Variants in TP63 observed in about 807,000 individuals in gnomAD.
TP63 encodes tumor protein 63.
Under a neutral mutation model 82.8 loss-of-function variants are expected in TP63, and 17 were observed. The observed-to-expected ratio is 0.21, with a 90% CI of 0.14 to 0.31. TP63 has a LOEUF of 0.31. Ranked by LOEUF, TP63 falls within the 10% of genes least tolerant of loss-of-function variation. TP63 has a pLI of 1.00. For synonymous variants in TP63, 330 were observed against 321.7 expected, an observed-to-expected ratio of 1.03 and a Z score of -0.28; for missense variants, 648 against 895.3, an observed-to-expected ratio of 0.72 and a Z score of 3.52.
chr3:189,723,672 C>T (rs1719557818), intron 1 of TP63, among the ~76,000 whole-genome samples: 1 of 152,126 alleles, frequency 6.6e-6, no homozygotes, highest in Non-Finnish European at 1.5e-5. Context: ...AGATCTGTAC[C>T]ATAGACAAAA....
chr3:189,875,506 C>T (rs1160023950), intron 10 of TP63, among the ~76,000 whole-genome samples: 2 of 146,612 alleles, frequency 1.4e-5, no homozygotes, highest in Non-Finnish European at 3.0e-5. Context: ...GCAGAGGTTG[C>T]AGTGAGCCAA....
chr3:189,869,318 C>T lies in TP63; in HGVS notation c.1130-6C>T, dbSNP rs1428064786. On this transcript the variant is annotated splice_polypyrimidine_tract_variant and splice_region_variant and intron_variant, in intron 8 of 13. Coordinates refer to ENST00000264731, the MANE Select transcript of TP63 (RefSeq NM_003722.5). Reference sequence around the variant, plus strand: ...CAGGATGAAACTTGCATTTTTCCTCCACCAGCGTTTCGTCAGAACACACAT... The same window carrying T: ...CAGGATGAAACTTGCATTTTTCCTCTACCAGCGTTTCGTCAGAACACACAT... The T allele has an allele frequency of 8.1e-6, 13 of 1,613,784 alleles. No homozygotes were observed. The highest frequency in any genetic ancestry group is 1.1e-5 in the Non-Finnish European group (13 of 1,179,904).
chr3:189,895,379 C>G lies in TP63; in HGVS notation c.*877C>G, dbSNP rs963383720. 4.6e-6 allele frequency: 1 copy of G among 216,762 alleles called. No individual in the cohort carries two copies. The highest frequency in any genetic ancestry group is 2.3e-5 in the African/African-American group (1 of 44,404). The allele number at this position is 216,762 out of a possible 1,614,324, so 13.4% of individuals were successfully genotyped here. Reference sequence around the variant, plus strand: ...TCAGTAACCCCCTTAAATTTAATACCAGATACCTTATCTTACAATATTGAT... The same window carrying G: ...TCAGTAACCCCCTTAAATTTAATACGAGATACCTTATCTTACAATATTGAT... On this transcript the variant is annotated 3_prime_UTR_variant, in exon 14 of 14. Transcript: ENST00000264731.
At chr3:189,775,360 CTTA>C (rs1351329592) in intron 3 of TP63, among the ~76,000 whole-genome samples, 1 of 151,988 alleles carries the variant, frequency 6.6e-6, no homozygotes, top group Non-Finnish European at 1.5e-5. Flanking sequence ...TCAAGTCAGT[CTTA>C]TTTTCTTTTC....
intron 1 of TP63, among the ~76,000 whole-genome samples, chr3:189,696,344 C>T (rs577908726): frequency 1.3e-5 from 2 of 152,072 alleles, no homozygotes; most frequent in African/African-American, 2.4e-5. Context: ...AGCAGTATAC[C>T]TGTAAGATTA....
chr3:189,790,964 C>G (rs1725076878), intron 3 of TP63, among the ~76,000 whole-genome samples: 2 of 152,044 alleles, frequency 1.3e-5, no homozygotes, highest in Non-Finnish European at 2.9e-5. Flanking sequence ...GGGGAAATAT[C>G]GAGTTATCTA....
intron 1 of TP63, among the ~76,000 whole-genome samples, chr3:189,683,043 A>T (rs1368460508): frequency 1.3e-5 from 2 of 152,206 alleles, no homozygotes; most frequent in Non-Finnish European, 2.9e-5. Flanking sequence ...CATTATACAG[A>T]TGAGGAAACT....
chr3:189,685,476 A>T (rs1271096583), intron 1 of TP63, among the ~76,000 whole-genome samples: 2 of 152,262 alleles, frequency 1.3e-5, no homozygotes, highest in East Asian at 3.9e-4. Flanking sequence ...TCTAAGGCCC[A>T]GTCAAGATGA....
At chr3:189,742,819 T>C (rs1429289382) in intron 3 of TP63, among the ~76,000 whole-genome samples, 1 of 152,224 alleles carries the variant, frequency 6.6e-6, no homozygotes, top group Non-Finnish European at 1.5e-5. Flanking sequence ...TATATGTGTT[T>C]ATGTGTTTTT....
the TP63 span, among the ~76,000 whole-genome samples, chr3:189,608,013 G>T: frequency 9.9e-5 from 15 of 152,084 alleles, no homozygotes; most frequent in Non-Finnish European, 1.3e-4. Flanking sequence ...GGGTTCTTAA[G>T]TTGTTTAAGA....
intron 1 of TP63, among the ~76,000 whole-genome samples, chr3:189,676,733 C>T (rs945996834): frequency 6.6e-6 from 1 of 152,042 alleles, no homozygotes. Context: ...TGCCCACAGA[C>T]TGGTACCCAT....
At chr3:189,644,565 GT>G (rs1712231277) in intron 1 of TP63, among the ~76,000 whole-genome samples, 1 of 152,058 alleles carries the variant, frequency 6.6e-6, no homozygotes, top group African/African-American at 2.4e-5. Context: ...GGGGAACGTG[GT>G]TTTTGGTTAC....
At chr3:189,658,272 T>C (rs1310420201) in intron 1 of TP63, among the ~76,000 whole-genome samples, 1 of 152,050 alleles carries the variant, frequency 6.6e-6, no homozygotes, top group Non-Finnish European at 1.5e-5. Flanking sequence ...TATGAATAAA[T>C]TATTGGATAA....
upstream of TP63, among the ~76,000 whole-genome samples, chr3:189,630,162 C>G (rs1412420320): frequency 1.3e-5 from 2 of 152,150 alleles, no homozygotes; most frequent in Non-Finnish European, 2.9e-5. Flanking sequence ...TGTCAAATTT[C>G]TCTGAAAGGG....
rs147407928 is a variant in TP63 at position 189,649,626 on chromosome 3, G to C, written c.62+18049G>C. Among the ~76,000 whole-genome samples, 11 of 146,976 alleles carry C rather than the reference G, an allele frequency of 7.5e-5. 1 individual carries two copies. In the East Asian group the frequency reaches 2.6e-3, roughly 35 times the overall value. On this transcript the variant is annotated intron_variant, in intron 1 of 13. Coordinates refer to ENST00000264731, the MANE Select transcript of TP63 (RefSeq NM_003722.5). ...TGCACATGTACCCCCAAACTTAAAA[G>C]TTAAAAAGAAAGGAAAACAGTGCTA...
In TP63 at chr3:189,867,808, C is replaced by T. The variant is rs374724583; in HGVS notation, c.883-25C>T. 3.6e-5 allele frequency: 57 copies of T among 1,599,554 alleles called. No individual in the cohort carries two copies. In the Admixed American group the frequency reaches 4.8e-4, roughly 14 times the overall value. On this transcript the variant is annotated intron_variant, in intron 6 of 13. Coordinates refer to ENST00000264731, the MANE Select transcript of TP63 (RefSeq NM_003722.5). The stretch of plus-strand genomic sequence containing the variant: ...ACGTCAGTTTAAACCCTTGTTAACA[C>T]AGATTATTTACCCCTTGTTTTCAGG...
At chr3:189,733,091 G>A (rs1397022437) in intron 1 of TP63, among the ~76,000 whole-genome samples, 1 of 152,110 alleles carries the variant, frequency 6.6e-6, no homozygotes, top group Admixed American at 6.5e-5. Flanking sequence ...AGTTTTCACA[G>A]CTGATTATGG....
chr3:189,771,729 G>A (rs1723396100), intron 3 of TP63, among the ~76,000 whole-genome samples: 1 of 151,948 alleles, frequency 6.6e-6, no homozygotes, highest in South Asian at 2.1e-4. Context: ...ATCTGAGAGT[G>A]AGATCTTGGC....
rs868428794 is a variant in TP63 at position 189,840,878 on chromosome 3, A to C, written c.580-23354A>C. 4.5e-3 allele frequency among the ~76,000 whole-genome samples: 642 copies of C among 142,658 alleles called. 3 individuals carry two copies. Among genetic ancestry groups the C allele is most frequent in the African/African-American group, 0.016 (610 of 39,236 alleles). The allele number at this position is 142,658 out of a possible 152,430, so 93.6% of individuals were successfully genotyped here. Reference sequence around the variant, plus strand: ...TCTCCAAAAAAAAAAAAAAAAAAAAACAACTATTCAAGGTTTCCCAATAAC... The same window carrying C: ...TCTCCAAAAAAAAAAAAAAAAAAAACCAACTATTCAAGGTTTCCCAATAAC... On this transcript the variant is annotated intron_variant, in intron 4 of 13. Transcript: ENST00000264731.
Sources: allele counts gnomAD v4.1 joint callset (sites outside exome capture counted in the v4.1 genomes callset), GRCh38; gene constraint gnomAD v4.1.1; transcripts MANE v1.5; gene names NCBI Gene and HGNC (gene_info 2026-07-23, HGNC 2026-07-21).